Variants in PTPRN2 observed in about 807,000 individuals in gnomAD.
PTPRN2 encodes receptor-type tyrosine-protein phosphatase N2.
A neutral mutation model predicts 118.8 loss-of-function variants in PTPRN2; 74 were observed. That is an observed-to-expected ratio of 0.62 (90% CI 0.52 to 0.76). The LOEUF is 0.76. PTPRN2 is among the 30% of genes least tolerant of loss of function. The pLI is 0.00. For synonymous variants in PTPRN2, 641 were observed against 608.0 expected (o/e 1.05, Z -0.80); for missense variants, 1,481 against 1,394.4 (o/e 1.06, Z -0.99).
intron 3 of PTPRN2, among the ~76,000 whole-genome samples, chr7:158,306,236 G>A (rs1801273818): frequency 6.6e-6 from 1 of 152,242 alleles, no homozygotes; most frequent in Non-Finnish European, 1.5e-5. Flanking sequence ...AGGAAAAGCT[G>A]GAAAATGAGA....
intron 12 of PTPRN2, among the ~76,000 whole-genome samples, chr7:157,759,193 G>A (rs574672531): frequency 3.9e-5 from 6 of 152,240 alleles, no homozygotes; most frequent in Admixed American, 1.3e-4. Context: ...CCTGGGCGCC[G>A]TGGGCGCAGG....
chr7:157,659,318 C>A (rs1370842036), intron 13 of PTPRN2, among the ~76,000 whole-genome samples: 2 of 106,724 alleles, frequency 1.9e-5, no homozygotes, highest in East Asian at 2.8e-4. Flanking sequence ...GGGGGGATGA[C>A]CCCGGGGACT....
At chr7:157,770,703 C>A (rs1010852600) in intron 12 of PTPRN2, among the ~76,000 whole-genome samples, 1 of 152,230 alleles carries the variant, frequency 6.6e-6, no homozygotes, top group Non-Finnish European at 1.5e-5. Context: ...CTCGGGTAGA[C>A]GGACATCCTC....
chr7:158,473,178 G>A (rs1357952079), intron 2 of PTPRN2, among the ~76,000 whole-genome samples: 2 of 152,076 alleles, frequency 1.3e-5, no homozygotes, highest in Non-Finnish European at 2.9e-5. Flanking sequence ...GCAGCTTCAC[G>A]GTCCCCAAGA....
intron 12 of PTPRN2, among the ~76,000 whole-genome samples, chr7:157,832,230 A>C (rs1807615772): frequency 6.6e-6 from 1 of 152,154 alleles, no homozygotes; most frequent in Non-Finnish European, 1.5e-5. Context: ...GCTGCATCTC[A>C]GGCTCTGTTT....
intron 19 of PTPRN2, chr7:157,574,237 C>T (rs765696792): frequency 2.2e-5 from 8 of 364,650 alleles, no homozygotes; most frequent in South Asian, 7.5e-5. Flanking sequence ...CAGGGGTCAC[C>T]GGGCGAGAGC....
chr7:157,819,390 G>C (rs1033057294), intron 12 of PTPRN2, among the ~76,000 whole-genome samples: 1 of 152,210 alleles, frequency 6.6e-6, no homozygotes, highest in Non-Finnish European at 1.5e-5. Flanking sequence ...ATCCGTCAGC[G>C]TCAATTAGGA....
At chr7:158,196,996 G>T (rs948247556) in intron 4 of PTPRN2, among the ~76,000 whole-genome samples, 1 of 152,184 alleles carries the variant, frequency 6.6e-6, no homozygotes, top group East Asian at 1.9e-4. Context: ...GAGTCAAGGA[G>T]CACCTGTATA....
intron 11 of PTPRN2, among the ~76,000 whole-genome samples, chr7:158,071,780 TGTG>T (rs1417958600): frequency 4.1e-5 from 3 of 73,340 alleles, no homozygotes; most frequent in Non-Finnish European, 2.3e-5. Flanking sequence ...TGGAGGTGCT[TGTG>T]GTGGTGGAGG....
intron 11 of PTPRN2, among the ~76,000 whole-genome samples, chr7:157,941,179 A>C (rs900796130): frequency 1.1e-3 from 19 of 18,094 alleles, no homozygotes; most frequent in Admixed American, 1.8e-3. Flanking sequence ...CACCCTCCCC[A>C]CCACGACACT....
intron 11 of PTPRN2, among the ~76,000 whole-genome samples, chr7:158,080,314 C>CAAAAAAA (rs556546951): frequency 6.9e-5 from 5 of 72,226 alleles, no homozygotes; most frequent in African/African-American, 1.2e-4. Flanking sequence ...CAAATTTAAG[C>CAAAAAAA]AAAAAAAAAA....
intron 1 of PTPRN2, among the ~76,000 whole-genome samples, chr7:158,557,494 T>C (rs1827121312): frequency 1.3e-5 from 2 of 152,254 alleles, no homozygotes; most frequent in South Asian, 2.1e-4. Context: ...AGTCGCTTCT[T>C]GGCCCTGCAG....
At chr7:158,112,014 C>A (rs1182069422) in intron 9 of PTPRN2, among the ~76,000 whole-genome samples, 4 of 152,118 alleles carry the variant, frequency 2.6e-5, no homozygotes, top group African/African-American at 9.7e-5. Context: ...CACCCACAAG[C>A]TGAAGTCATC....
intron 6 of PTPRN2, among the ~76,000 whole-genome samples, chr7:158,147,778 T>A (rs12536950): frequency 8.3e-5 from 5 of 60,294 alleles, no homozygotes; most frequent in African/African-American, 3.1e-4. Context: ...CGCCACGTGT[T>A]ATTCCCCCTC....
At chr7:157,677,134 G>A (rs374187853) in intron 13 of PTPRN2, among the ~76,000 whole-genome samples, 48 of 152,254 alleles carry the variant, frequency 3.2e-4, no homozygotes, top group African/African-American at 1.1e-3. Flanking sequence ...AGCAGGAAGT[G>A]GCTTCCTTAG....
chr7:157,879,316 A>G (rs1795981440), intron 12 of PTPRN2, among the ~76,000 whole-genome samples: 1 of 152,232 alleles, frequency 6.6e-6, no homozygotes, highest in Admixed American at 6.5e-5. Flanking sequence ...CACAGCCTCC[A>G]TGAGAACAGC....
At chr7:158,440,589 G>A (rs975575084) in intron 2 of PTPRN2, among the ~76,000 whole-genome samples, 1 of 150,378 alleles carries the variant, frequency 6.6e-6, no homozygotes, top group South Asian at 2.1e-4. Context: ...TGGTAACAAT[G>A]GTGGTGGTGA....
rs1267253239 is a variant in PTPRN2, at chr7:158,130,493, A to C, written c.1556+3184T>G. 2.0e-5 allele frequency among the ~76,000 whole-genome samples: 3 copies of C among 151,464 alleles called. 1 individual carries two copies. Among genetic ancestry groups the C allele is most frequent in the African/African-American group, 4.9e-5 (2 of 41,046 alleles). On this transcript the variant is annotated intron_variant, in intron 9 of 22. Transcript: ENST00000389418. ...TATACACACATGCACATATGCACAA[A>C]CTTCTACCCAACACACACACTCATA...
At chr7:158,514,163 C>A (rs1203590160) in intron 1 of PTPRN2, among the ~76,000 whole-genome samples, 1 of 152,192 alleles carries the variant, frequency 6.6e-6, no homozygotes. Flanking sequence ...TCAGGGGGCC[C>A]TAATCTTTCT....
Sources: gnomAD v4.1 joint callset for allele counts (sites outside exome capture counted in the v4.1 genomes callset) on GRCh38, gnomAD v4.1.1 for gene constraint, MANE v1.5 for transcripts, NCBI Gene and HGNC (gene_info 2026-07-23, HGNC 2026-07-21) for gene names.